The following NKAIN2 variants were observed in gnomAD, a reference collection of about 807,000 sequenced individuals.
The protein encoded by NKAIN2 is sodium/potassium-transporting ATPase subunit beta-1-interacting protein 2.
In NKAIN2, 14 loss-of-function variants were observed where a neutral mutation model predicts 32.6. That is an observed-to-expected ratio of 0.43 (90% CI 0.28 to 0.67). The LOEUF is 0.67. Ranked by LOEUF, NKAIN2 falls within the 30% of genes least tolerant of loss-of-function variation. NKAIN2 has a pLI of 0.17. For synonymous variants in NKAIN2, 80 were observed against 87.2 expected (o/e 0.92, Z 0.46); for missense variants, 198 against 258.3 (o/e 0.77, Z 1.60).
intron 4 of NKAIN2, among the ~76,000 whole-genome samples, chr6:124,708,234 G>A (rs1775209741): frequency 6.8e-6 from 1 of 147,678 alleles, no homozygotes; most frequent in South Asian, 2.2e-4. Context: ...ATGCTGTTTT[G>A]GTTACTGTAG....
chr6:123,807,324 A>C lies in NKAIN2; in HGVS notation c.54+3070A>C, dbSNP rs146615365. 1.4e-4 allele frequency among the ~76,000 whole-genome samples: 21 copies of C among 152,182 alleles called. No individual in the cohort carries two copies. In the East Asian group the frequency reaches 4.1e-3, roughly 29 times the overall value. On this transcript the variant is annotated intron_variant, in intron 1 of 6. Transcript: ENST00000368417. ...AACTTCAGATTTTAGGGTGATTCCT[A>C]CGTAAAGGAGTATGATCTCTGGAAA...
chr6:123,928,640 A>G (rs1194185373), intron 1 of NKAIN2, among the ~76,000 whole-genome samples: 1 of 152,184 alleles, frequency 6.6e-6, no homozygotes, highest in Non-Finnish European at 1.5e-5. Context: ...TTAAAGATCT[A>G]AGAATATTCT....
intron 1 of NKAIN2, among the ~76,000 whole-genome samples, chr6:124,072,754 A>G (rs1783520455): frequency 1.3e-5 from 2 of 152,144 alleles, no homozygotes; most frequent in Non-Finnish European, 2.9e-5. Context: ...ATGAAATATT[A>G]TTTTATTCAC....
At chr6:124,715,618 C>T (rs935153239) in intron 4 of NKAIN2, among the ~76,000 whole-genome samples, 3 of 152,178 alleles carry the variant, frequency 2.0e-5, no homozygotes, top group African/African-American at 2.4e-5. Context: ...CTGAGGTGGA[C>T]GAGCTTGGAG....
At chr6:124,130,015 G>A (rs990069299) in intron 1 of NKAIN2, among the ~76,000 whole-genome samples, 2 of 152,154 alleles carry the variant, frequency 1.3e-5, no homozygotes, top group African/African-American at 2.4e-5. Context: ...ACATGATTTA[G>A]TTTCTGCAAT....
intron 1 of NKAIN2, among the ~76,000 whole-genome samples, chr6:124,124,628 T>G (rs1562371934): frequency 6.6e-6 from 1 of 152,194 alleles, no homozygotes. Context: ...ATTTCTCACT[T>G]TGTGAACCAT....
At chr6:124,340,935 A>G (rs1372484452) in intron 2 of NKAIN2, among the ~76,000 whole-genome samples, 3 of 152,168 alleles carry the variant, frequency 2.0e-5, no homozygotes, top group South Asian at 2.1e-4. Context: ...TATTTTTTCA[A>G]TCAAAGGGAA....
At chr6:123,998,114 G>A (rs1779707002) in intron 1 of NKAIN2, among the ~76,000 whole-genome samples, 1 of 151,982 alleles carries the variant, frequency 6.6e-6, no homozygotes, top group African/African-American at 2.4e-5. Context: ...ACTCCCATTG[G>A]CCTAGCTTTG....
chr6:124,589,154 G>A (rs886216309), intron 3 of NKAIN2, among the ~76,000 whole-genome samples: 1 of 152,082 alleles, frequency 6.6e-6, no homozygotes, highest in Non-Finnish European at 1.5e-5. Flanking sequence ...AACAGAAATT[G>A]TGCAAAAAAT....
At position 124,432,094 on chromosome 6, in the gene NKAIN2, TGTAA is replaced by T. The variant is rs74786224; in HGVS notation, c.273+76750_273+76753del. On this transcript the variant is annotated intron_variant, in intron 3 of 6. Transcript: ENST00000368417. ...ATAGCAAATTTCAAAAAGGAGATAT[TGTAA>T]GTGTCACAATTGTGTACATGCCTTG... is the stretch of plus-strand genomic sequence containing the variant. Among the ~76,000 whole-genome samples, 787 of 152,286 alleles carry T rather than the reference TGTAA, an allele frequency of 5.2e-3. 28 individuals are homozygous for T. The East Asian group carries it at 0.089, about 17-fold the overall frequency.
chr6:124,595,597 T>C (rs1782054458), intron 3 of NKAIN2, among the ~76,000 whole-genome samples: 1 of 152,188 alleles, frequency 6.6e-6, no homozygotes, highest in Non-Finnish European at 1.5e-5. Flanking sequence ...AGGGAACTTG[T>C]TGAAATTATT....
rs1333569870 is a variant in NKAIN2, at chr6:123,938,532, AT to A, written c.54+134284del. The stretch of plus-strand genomic sequence containing the variant: ...TATATTATATATATTTATATATTAT[AT>A]TTTTTATATATTATATATTTATATA... On this transcript the variant is annotated intron_variant, in intron 1 of 6. Coordinates refer to ENST00000368417, the MANE Select transcript of NKAIN2 (RefSeq NM_001040214.3). 8.1e-3 allele frequency among the ~76,000 whole-genome samples: 1,109 copies of A among 137,220 alleles called. 4 individuals are homozygous for A. The highest frequency in any genetic ancestry group is 0.014 in the Non-Finnish European group (893 of 64,264). The allele number at this position is 137,220 out of a possible 152,430, so 90.0% of individuals were successfully genotyped here. A position where few individuals can be genotyped will look rare whatever the true frequency, so the allele number is the denominator to read the frequency against.
intron 1 of NKAIN2, among the ~76,000 whole-genome samples, chr6:124,122,999 G>T (rs1055686925): frequency 5.5e-4 from 84 of 152,116 alleles, no homozygotes; most frequent in African/African-American, 1.9e-3. Flanking sequence ...AAAATTATCT[G>T]TAGTATAAAT....
intron 1 of NKAIN2, among the ~76,000 whole-genome samples, chr6:124,123,168 A>T (rs1785972781): frequency 6.6e-6 from 1 of 152,032 alleles, no homozygotes; most frequent in Non-Finnish European, 1.5e-5. Context: ...GCCTTTAGCC[A>T]TTGGATTAAT....
intron 3 of NKAIN2, among the ~76,000 whole-genome samples, chr6:124,588,930 C>A (rs1781807998): frequency 1.3e-5 from 2 of 152,002 alleles, no homozygotes; most frequent in Admixed American, 6.5e-5. Flanking sequence ...ATTTTAGTGA[C>A]CTATTTTGGG....
intron 3 of NKAIN2, among the ~76,000 whole-genome samples, chr6:124,515,709 T>G (rs1778884482): frequency 3.0e-4 from 1 of 3,306 alleles, no homozygotes; most frequent in Non-Finnish European, 0.033. Flanking sequence ...TTTCTTCGCT[T>G]TCTCTCCGTC....
chr6:124,438,113 G>A (rs1775538651), intron 3 of NKAIN2, among the ~76,000 whole-genome samples: 1 of 151,976 alleles, frequency 6.6e-6, no homozygotes, highest in African/African-American at 2.4e-5. Context: ...TCAACACATA[G>A]CTTGTCATTG....
chr6:124,568,529 G>A (rs1781006415), intron 3 of NKAIN2, among the ~76,000 whole-genome samples: 1 of 151,920 alleles, frequency 6.6e-6, no homozygotes, highest in Non-Finnish European at 1.5e-5. Flanking sequence ...ACTTCCCTGG[G>A]GTCAATTAAT....
At chr6:124,290,037 TGGAA>T (rs968939345) in intron 2 of NKAIN2, among the ~76,000 whole-genome samples, 7 of 145,504 alleles carry the variant, frequency 4.8e-5, no homozygotes, top group Non-Finnish European at 1.0e-4. Context: ...CCCATAAGCC[TGGAA>T]GGGAGGGAGA....
Sources: gnomAD v4.1 joint callset for allele counts (sites outside exome capture counted in the v4.1 genomes callset) on GRCh38, gnomAD v4.1.1 for gene constraint, MANE v1.5 for transcripts, NCBI Gene and HGNC (gene_info 2026-07-23, HGNC 2026-07-21) for gene names.